TCTN1: variants seen among roughly 807,000 people sequenced by gnomAD.
The protein encoded by TCTN1 is tectonic-1.
TCTN1 carries 58 observed loss-of-function variants against 65.8 expected under a neutral mutation model. That is an observed-to-expected ratio of 0.88 (90% CI 0.71 to 1.10). The LOEUF (loss-of-function observed/expected upper bound fraction) is 1.10. Among genes scored for constraint, TCTN1 ranks in the 50% least tolerant of loss-of-function variants. TCTN1 has a pLI of 0.00. For synonymous variants in TCTN1, 273 were observed against 289.1 expected (o/e 0.94, Z 0.57); for missense variants, 645 against 719.4 (o/e 0.90, Z 1.18).
chr12:110,617,800 C>G (rs1009078504), intron 1 of TCTN1, among the ~76,000 whole-genome samples: 1 of 150,898 alleles, frequency 6.6e-6, no homozygotes, highest in East Asian at 2.0e-4. Flanking sequence ...GCCACCATGC[C>G]CGACTAATTT....
chr12:110,622,892 A>T (rs2065540990), intron 2 of TCTN1, among the ~76,000 whole-genome samples: 1 of 152,210 alleles, frequency 6.6e-6, no homozygotes, highest in African/African-American at 2.4e-5. Flanking sequence ...GCTATTGCAG[A>T]TGCGGATTAA....
Position 110,614,284 on chromosome 12 carries a change from C to T in TCTN1, c.102C>T (p.Gly34=). Residue 34 remains glycine, a synonymous_variant, in exon 1 of 15, where the codon GGC becomes GGT. Transcript: ENST00000397659. Reference sequence around the variant, plus strand: ...CCACCCCGGCGGTGACGACAGAGGGCCTCAACTCCACCGAGGCAGCCCTGG... The same window carrying T: ...CCACCCCGGCGGTGACGACAGAGGGTCTCAACTCCACCGAGGCAGCCCTGG... ...TDATPAVTTE[G]LNSTEAALAT... is the part of the protein sequence containing the mutation. 6.3e-7 allele frequency: 1 copy of T among 1,597,010 alleles called. No individual in the cohort carries two copies. The highest frequency in any genetic ancestry group is 8.5e-7 in the Non-Finnish European group (1 of 1,172,552).
At chr12:110,641,236 G>A in intron 9 of TCTN1, 87 bp downstream of exon 9, 1 of 1,569,256 alleles carries the variant, frequency 6.4e-7, no homozygotes, top group South Asian at 1.1e-5. Flanking sequence ...GAATTTCTAA[G>A]TATTACATCC....
At chr12:110,629,843 A>G (rs749362210) in intron 4 of TCTN1, 7 of 152,232 alleles carry the variant, frequency 4.6e-5, no homozygotes, top group African/African-American at 7.2e-5. Context: ...AACCAACCCA[A>G]ATGTCCATCA....
At chr12:110,647,943 T>G in intron 14 of TCTN1, 50 bp downstream of exon 14, 1 of 1,609,970 alleles carries the variant, frequency 6.2e-7, no homozygotes, top group Non-Finnish European at 8.5e-7. Context: ...CTTTGGAAAG[T>G]GTGCACGTGG....
At chr12:110,615,190 G>T (rs2064951611) in intron 1 of TCTN1, among the ~76,000 whole-genome samples, 1 of 152,028 alleles carries the variant, frequency 6.6e-6, no homozygotes, top group African/African-American at 2.4e-5. Context: ...TGAGGCAGGA[G>T]ACTCGCTTGA....
chr12:110,634,907 C>A, intron 6 of TCTN1, 128 bp downstream of exon 6: 1 of 668,662 alleles, frequency 1.5e-6, no homozygotes, highest in Non-Finnish European at 2.6e-6. Flanking sequence ...TTCTCCAGTA[C>A]TTTTATATCA....
chr12:110,630,359 C>T (rs1001248385), intron 4 of TCTN1: 1 of 152,194 alleles, frequency 6.6e-6, no homozygotes, highest in African/African-American at 2.4e-5. Context: ...ATGCTTGAGG[C>T]ATGTTGCTGA....
At chr12:110,626,663 T>TC (rs1180665901) in intron 3 of TCTN1, among the ~76,000 whole-genome samples, 171 bp downstream of exon 3, 1 of 151,658 alleles carries the variant, frequency 6.6e-6, no homozygotes, top group Non-Finnish European at 1.5e-5. Flanking sequence ...CACTGAAACC[T>TC]CCACCTCCCA....
intron 6 of TCTN1, 36 bp downstream of exon 6, chr12:110,634,815 G>A: frequency 6.1e-6 from 9 of 1,473,732 alleles, no homozygotes; most frequent in Non-Finnish European, 8.5e-6. Flanking sequence ...TACTCATTAG[G>A]TATGTTTCTG....
intron 5 of TCTN1, among the ~76,000 whole-genome samples, chr12:110,633,653 GAAAAC>G (rs2066373226): frequency 1.4e-5 from 2 of 147,884 alleles, no homozygotes; most frequent in Non-Finnish European, 3.0e-5. Flanking sequence ...AAAAAAAAAA[GAAAAC>G]AAAACCAAAA....
Position 110,619,816 on chromosome 12 carries a change from T to C in TCTN1, c.221-20T>C. On this transcript the variant is annotated intron_variant, in intron 1 of 14. Coordinates refer to ENST00000397659, the MANE Select transcript of TCTN1 (RefSeq NM_001082538.3). ...CTGCTGATGGTGATGTTCTGGATCC[T>C]ACCCCTCTTTTTTCTGCAGTTGCTG... is the stretch of plus-strand genomic sequence containing the variant. 6.2e-7 allele frequency: 1 copy of C among 1,614,038 alleles called. No individual in the cohort carries two copies. Among genetic ancestry groups the C allele is most frequent in the Middle Eastern group, 1.7e-4 (1 of 6,052 alleles).
Position 110,647,763 on chromosome 12 carries a change from T to C in TCTN1, c.1650T>C (p.Asn550=). 1 of 1,614,186 alleles carries C rather than the reference T, an allele frequency of 6.2e-7. No individual in the cohort carries two copies. The highest frequency in any genetic ancestry group is 8.5e-7 in the Non-Finnish European group (1 of 1,180,040). Residue 550 remains asparagine, a synonymous_variant, in exon 14 of 15, where the codon AAT becomes AAC. Coordinates refer to ENST00000397659, the MANE Select transcript of TCTN1 (RefSeq NM_001082538.3). ...SSSFPEANSG[N]ERTILISTAV... is the part of the protein sequence containing the mutation. Reference sequence around the variant, plus strand: ...GTTTATTACAGGCCAACTCAGGAAATGAAAGGACGATTCTTATTTCCACTG... The same window carrying C: ...GTTTATTACAGGCCAACTCAGGAAACGAAAGGACGATTCTTATTTCCACTG...
chr12:110,616,169 T>C, intron 1 of TCTN1: 1 of 308,508 alleles, frequency 3.2e-6, no homozygotes, highest in South Asian at 2.6e-5. Context: ...AAAATAAAGC[T>C]ATGCTTGAAA....
At position 110,614,234 on chromosome 12, in the gene TCTN1, G is replaced by A. The variant is rs1201004771; in HGVS notation, c.52G>A (p.Ala18Thr). The change falls in exon 1 of 15, where the codon GCC becomes ACC. Residue 18 changes from alanine to threonine, a missense_variant. Ala to Thr is a moderately conservative substitution (Grantham distance 58). Transcript: ENST00000397659. ...CCTGGTGGTGCTCCTGGGCTGCTGG[G>A]CCTCCGTGAGCGCCCAGACCGATGC... ...PLLVVLLGCW[A>T]SVSAQTDATP... The A allele has an allele frequency of 6.3e-7, 1 of 1,589,782 alleles. No homozygotes were observed. Among genetic ancestry groups the A allele is most frequent in the East Asian group, 2.3e-5 (1 of 44,040 alleles).
At chr12:110,615,625 C>T (rs530022806) in intron 1 of TCTN1, among the ~76,000 whole-genome samples, 6 of 152,164 alleles carry the variant, frequency 3.9e-5, no homozygotes, top group Non-Finnish European at 7.4e-5. Context: ...GAACCACAGG[C>T]GTGCTCCCCC....
At position 110,626,527 on chromosome 12, in the gene TCTN1, C is replaced by G. The variant is rs12322410; in HGVS notation, c.472+35C>G. 1.4e-5 allele frequency: 23 copies of G among 1,598,564 alleles called. No individual in the cohort carries two copies. In the Admixed American group the frequency reaches 2.0e-4, roughly 14 times the overall value. On this transcript the variant is annotated intron_variant, in intron 3 of 14. Coordinates refer to ENST00000397659, the MANE Select transcript of TCTN1 (RefSeq NM_001082538.3). ...TGACATTGATATATTTTGTGAAGCT[C>G]TGGAAAATTTTTCTCAAAGTTATGG...
chr12:110,644,614 G>A lies in TCTN1; in HGVS notation c.1332-353G>A, dbSNP rs1311415771. 3.2e-6 allele frequency: 1 copy of A among 308,200 alleles called. No homozygotes were observed. The highest frequency in any genetic ancestry group is 2.2e-5 in the African/African-American group (1 of 45,426). The allele number at this position is 308,200 out of a possible 1,614,324, so 19.1% of individuals were successfully genotyped here. ...AATCACTTGAACCTGGGAGGCGGTG[G>A]TTGCAGTGAGCCAAGATTGCCTCAC... On this transcript the variant is annotated intron_variant, in intron 11 of 14. Transcript: ENST00000397659. This position sits in a 1 kb window ranked among gnomAD's most constrained non-coding sequence, Gnocchi z 4.6.
At chr12:110,647,418 T>C (rs2136198254) in intron 13 of TCTN1, 82 bp downstream of exon 13, 1 of 1,560,838 alleles carries the variant, frequency 6.4e-7, no homozygotes, top group Non-Finnish European at 8.8e-7. Flanking sequence ...AGGTATTACT[T>C]TGTGAAAAAG....
Sources: gnomAD v4.1 joint callset for allele counts (sites outside exome capture counted in the v4.1 genomes callset) on GRCh38, gnomAD v4.1.1 for gene constraint, Gnocchi (gnomAD v3.1) non-coding constraint, MANE v1.5 for transcripts, NCBI Gene and HGNC (gene_info 2026-07-23, HGNC 2026-07-21) for gene names.